Variants in EDIL3 observed in about 807,000 individuals in gnomAD.
The protein encoded by EDIL3 is EGF like and discoidin domains 3, also known as EGF-like repeat and discoidin I-like domain-containing protein 3.
EDIL3 carries 37 observed loss-of-function variants against 67.4 expected under a neutral mutation model. That is an observed-to-expected ratio of 0.55 (90% CI 0.42 to 0.72). The LOEUF (loss-of-function observed/expected upper bound fraction) is 0.72, where lower values mean the gene tolerates loss of function less well. Among genes scored for constraint, EDIL3 ranks in the 30% least tolerant of loss-of-function variants. The pLI, the probability that EDIL3 is intolerant of heterozygous loss-of-function variation, is 0.00. For missense variants in EDIL3, 527 were observed against 586.3 expected, an observed-to-expected ratio of 0.90 and a Z score of 1.04; for synonymous variants, 195 against 196.3, an observed-to-expected ratio of 0.99 and a Z score of 0.05.
At chr5:84,297,701 G>A (rs1746078453) in intron 1 of EDIL3, among the ~76,000 whole-genome samples, 1 of 152,148 alleles carries the variant, frequency 6.6e-6, no homozygotes, top group Non-Finnish European at 1.5e-5. Context: ...GAAACAGGTG[G>A]TGAGAATGTG....
At chr5:84,320,211 C>T (rs1746607796) in intron 1 of EDIL3, among the ~76,000 whole-genome samples, 1 of 152,024 alleles carries the variant, frequency 6.6e-6, no homozygotes, top group African/African-American at 2.4e-5. Context: ...AAGTCATTTT[C>T]TTGTAGGTTG....
chr5:83,953,496 C>T lies in EDIL3; in HGVS notation c.1293+9709G>A, dbSNP rs537395285. Among the ~76,000 whole-genome samples, 67 of 151,808 alleles carry T rather than the reference C, an allele frequency of 4.4e-4. 2 individuals carry two copies. The highest frequency in any genetic ancestry group is 3.2e-4 in the Non-Finnish European group (22 of 67,804). On this transcript the variant is annotated intron_variant, in intron 10 of 10. Transcript: ENST00000296591. ...AAAAAGAAGAAAAGAAATAAAAGTG[C>T]AATTTTGTTATGTAAAAGTTATATT...
chr5:84,285,473 A>G (rs890417236), intron 1 of EDIL3, among the ~76,000 whole-genome samples: 3 of 152,220 alleles, frequency 2.0e-5, no homozygotes, highest in Non-Finnish European at 4.4e-5. Context: ...AGGGTTTTGC[A>G]TTCTCATGCG....
intron 10 of EDIL3, among the ~76,000 whole-genome samples, chr5:83,952,252 T>C (rs1744435789): frequency 6.6e-6 from 1 of 151,804 alleles, no homozygotes; most frequent in African/African-American, 2.4e-5. Context: ...CTTGCTGTCA[T>C]TTAGAATGTA....
At chr5:84,181,323 G>T (rs1350456632) in intron 3 of EDIL3, 3 of 152,176 alleles carry the variant, frequency 2.0e-5, no homozygotes, top group Admixed American at 1.3e-4. Flanking sequence ...TGAACCACAG[G>T]ATCTGCTGTG....
chr5:84,334,772 A>G (rs554190239), intron 1 of EDIL3, among the ~76,000 whole-genome samples: 4 of 152,212 alleles, frequency 2.6e-5, no homozygotes, highest in East Asian at 1.9e-4. Context: ...TCCTAAAGTC[A>G]TATCTTCTTT....
At chr5:83,991,905 G>A (rs960471705) in intron 9 of EDIL3, among the ~76,000 whole-genome samples, 7 of 152,102 alleles carry the variant, frequency 4.6e-5, no homozygotes, top group Admixed American at 1.3e-4. Flanking sequence ...CCTATTTGCC[G>A]TCTACGTTTG....
intron 1 of EDIL3, among the ~76,000 whole-genome samples, chr5:84,283,615 T>C (rs563432831): frequency 2.0e-5 from 3 of 152,312 alleles, no homozygotes; most frequent in East Asian, 3.9e-4. Flanking sequence ...TTTCTAACCA[T>C]ATTGAACACG....
chr5:84,364,561 A>G (rs967748668), intron 1 of EDIL3, among the ~76,000 whole-genome samples: 2 of 152,136 alleles, frequency 1.3e-5, no homozygotes, highest in African/African-American at 4.8e-5. Flanking sequence ...GGATTTAGCA[A>G]ATACAGGTAA....
At chr5:84,156,928 T>A (rs1047870165) in intron 4 of EDIL3, among the ~76,000 whole-genome samples, 2 of 152,150 alleles carry the variant, frequency 1.3e-5, no homozygotes, top group African/African-American at 2.4e-5. Context: ...ACCAGAGTAC[T>A]ATCAGCACGT....
chr5:84,336,700 G>C (rs1032057505), intron 1 of EDIL3, among the ~76,000 whole-genome samples: 3 of 152,042 alleles, frequency 2.0e-5, no homozygotes, highest in Non-Finnish European at 2.9e-5. Flanking sequence ...CTTTAACTAA[G>C]ACATATTTAA....
At chr5:84,237,387 G>C (rs1199263168) in intron 2 of EDIL3, among the ~76,000 whole-genome samples, 4 of 151,988 alleles carry the variant, frequency 2.6e-5, no homozygotes, top group Non-Finnish European at 5.9e-5. Flanking sequence ...ATGATTAAGA[G>C]TGTTGTCAAA....
chr5:84,049,354 A>G (rs990740842), intron 9 of EDIL3, among the ~76,000 whole-genome samples: 2 of 152,202 alleles, frequency 1.3e-5, no homozygotes, highest in Non-Finnish European at 2.9e-5. Flanking sequence ...GAGGTACACA[A>G]TCCACCAGAA....
At chr5:83,993,382 G>T (rs1001541430) in intron 9 of EDIL3, among the ~76,000 whole-genome samples, 1 of 152,134 alleles carries the variant, frequency 6.6e-6, no homozygotes, top group African/African-American at 2.4e-5. Flanking sequence ...TCCCTTTGTT[G>T]AATATAGAGA....
chr5:84,324,945 G>A (rs1240090650), intron 1 of EDIL3, among the ~76,000 whole-genome samples: 1 of 151,100 alleles, frequency 6.6e-6, no homozygotes, highest in African/African-American at 2.4e-5. Flanking sequence ...AAAATCCCTG[G>A]TGTCTTCACT....
intron 2 of EDIL3, among the ~76,000 whole-genome samples, chr5:84,243,490 G>A (rs1335836439): frequency 2.0e-5 from 3 of 152,222 alleles, no homozygotes; most frequent in Non-Finnish European, 4.4e-5. Context: ...AGCTCCTTGT[G>A]TAGATGAGTA....
intron 4 of EDIL3, among the ~76,000 whole-genome samples, chr5:84,153,765 GT>G: frequency 6.6e-6 from 1 of 152,112 alleles, no homozygotes. Context: ...ACCCGGCCTT[GT>G]TATTATTTTT....
chr5:84,136,385 C>T (rs1319852098), intron 5 of EDIL3, among the ~76,000 whole-genome samples: 1 of 152,156 alleles, frequency 6.6e-6, no homozygotes, highest in Non-Finnish European at 1.5e-5. Flanking sequence ...AATTATAAGG[C>T]TATAGCACTA....
chr5:84,024,687 T>A (rs1745780716), intron 9 of EDIL3, among the ~76,000 whole-genome samples: 1 of 152,126 alleles, frequency 6.6e-6, no homozygotes, highest in African/African-American at 2.4e-5. Context: ...CCATAATAGT[T>A]CAAATATTTA....
Sources: allele counts gnomAD v4.1 joint callset (sites outside exome capture counted in the v4.1 genomes callset), GRCh38; gene constraint gnomAD v4.1.1; transcripts MANE v1.5; gene names NCBI Gene and HGNC (gene_info 2026-07-23, HGNC 2026-07-21).